Variants in PSMA1 observed in about 807,000 individuals in gnomAD.
PSMA1 encodes proteasome subunit alpha type-1.
In PSMA1, 3 loss-of-function variants were observed where a neutral mutation model predicts 38.4. That is an observed-to-expected ratio of 0.08 (90% confidence interval 0.04 to 0.20). The LOEUF (loss-of-function observed/expected upper bound fraction) is 0.20, where lower values mean the gene tolerates loss of function less well. Ranked by LOEUF, PSMA1 falls within the 10% of genes least tolerant of loss-of-function variation. PSMA1 has a pLI of 1.00. For synonymous variants in PSMA1, 101 were observed against 107.1 expected, an observed-to-expected ratio of 0.94 and a Z score of 0.35; for missense variants, 227 against 325.3, an observed-to-expected ratio of 0.70 and a Z score of 2.32.
At chr11:14,517,834 T>C in intron 3 of PSMA1, 46 bp downstream of exon 3, 1 of 1,534,076 alleles carries the variant, frequency 6.5e-7, no homozygotes, top group Non-Finnish European at 8.8e-7. Flanking sequence ...ATGGTGAAAT[T>C]TACATTGTTT....
chr11:14,634,714 G>A (rs897215447), intron 1 of PSMA1, among the ~76,000 whole-genome samples: 1 of 152,166 alleles, frequency 6.6e-6, no homozygotes, highest in Non-Finnish European at 1.5e-5. Context: ...TAGTATACAA[G>A]AAAATTTGAA....
chr11:14,578,359 T>C (rs1852244788), intron 2 of PSMA1, among the ~76,000 whole-genome samples: 1 of 152,150 alleles, frequency 6.6e-6, no homozygotes, highest in Admixed American at 6.6e-5. Flanking sequence ...TTATGACTTG[T>C]CCAGTTAAAT....
At chr11:14,511,239 T>C (rs1019548720) in intron 7 of PSMA1, among the ~76,000 whole-genome samples, 1 of 152,222 alleles carries the variant, frequency 6.6e-6, no homozygotes, top group Admixed American at 6.5e-5. Flanking sequence ...ACTCCAAGTT[T>C]TGTAGAATGT....
chr11:14,512,289 G>A (rs971056391), intron 7 of PSMA1, among the ~76,000 whole-genome samples: 7 of 151,976 alleles, frequency 4.6e-5, no homozygotes, highest in African/African-American at 1.7e-4. Context: ...CAGGAGAATT[G>A]CTTGAACCTG....
intron 2 of PSMA1, among the ~76,000 whole-genome samples, chr11:14,548,578 C>A (rs779104812): frequency 5.3e-5 from 8 of 152,126 alleles, no homozygotes; most frequent in Non-Finnish European, 1.2e-4. Flanking sequence ...ATATTGGCAG[C>A]TTGAAACTGG....
intron 2 of PSMA1, among the ~76,000 whole-genome samples, chr11:14,536,858 G>A (rs969555058): frequency 1.3e-5 from 2 of 152,020 alleles, no homozygotes; most frequent in African/African-American, 4.8e-5. Context: ...CTCGTGATCC[G>A]CCCGCCTCGG....
chr11:14,583,866 C>T (rs1852309586), intron 2 of PSMA1, among the ~76,000 whole-genome samples: 2 of 152,206 alleles, frequency 1.3e-5, no homozygotes, highest in African/African-American at 4.8e-5. Flanking sequence ...TCCCACACCC[C>T]TGCTTCTGAA....
chr11:14,598,557 T>C (rs992313259), intron 2 of PSMA1, among the ~76,000 whole-genome samples: 13 of 148,664 alleles, frequency 8.7e-5, no homozygotes, highest in Non-Finnish European at 1.6e-4. Context: ...TATCAGAGAC[T>C]AGGATTGCAA....
At chr11:14,595,400 C>G (rs909732576) in intron 2 of PSMA1, among the ~76,000 whole-genome samples, 1 of 152,344 alleles carries the variant, frequency 6.6e-6, no homozygotes, top group East Asian at 1.9e-4. Context: ...TTCTCCACAT[C>G]CTCTCCAGCA....
chr11:14,510,434 T>C (rs1314763738), intron 8 of PSMA1, among the ~76,000 whole-genome samples: 1 of 152,204 alleles, frequency 6.6e-6, no homozygotes, highest in Non-Finnish European at 1.5e-5. Flanking sequence ...ATTTTTTACA[T>C]AGCATTTATC....
intron 1 of PSMA1, among the ~76,000 whole-genome samples, chr11:14,612,111 G>T (rs1852717197): frequency 6.6e-6 from 1 of 152,142 alleles, no homozygotes. Flanking sequence ...AGGGAGTCTT[G>T]GTTGAGCTAG....
At chr11:14,590,804 G>C (rs1163647486) in intron 2 of PSMA1, among the ~76,000 whole-genome samples, 1 of 152,188 alleles carries the variant, frequency 6.6e-6, no homozygotes, top group African/African-American at 2.4e-5. Flanking sequence ...TGACCGGGAC[G>C]AGGCCATACT....
intron 2 of PSMA1, among the ~76,000 whole-genome samples, chr11:14,586,717 A>C (rs1264957389): frequency 6.6e-6 from 1 of 151,818 alleles, no homozygotes; most frequent in Non-Finnish European, 1.5e-5. Flanking sequence ...CCCACCGAAG[A>C]ATCTCTCCCT....
chr11:14,507,772 GGGTAAAATAT>G lies in PSMA1; in HGVS notation c.625-16_625-7del, dbSNP rs778428520. ...ACAATTCCAATGGAAACATTCTGAA[GGGTAAAATAT>G]GGTAAAAGTAAAATAAGAGAATTTG... On this transcript the variant is annotated splice_polypyrimidine_tract_variant and splice_region_variant and intron_variant, in intron 8 of 9. Coordinates refer to ENST00000396394, the MANE Select transcript of PSMA1 (RefSeq NM_002786.4). 16 of 1,542,592 alleles carry G rather than the reference GGGTAAAATAT, an allele frequency of 1.0e-5. No homozygotes were observed. The South Asian group carries it at 1.7e-4, about 16-fold the overall frequency.
exon 2 of PSMA1, chr11:14,611,030 T>C (rs777154932): frequency 2.5e-5 from 39 of 1,589,478 alleles, no homozygotes; most frequent in African/African-American, 6.7e-5. Context: ...ACATACAACA[T>C]AGGTCTGGAT....
At chr11:14,589,332 T>C (rs1026987523) in intron 2 of PSMA1, among the ~76,000 whole-genome samples, 8 of 149,888 alleles carry the variant, frequency 5.3e-5, no homozygotes, top group Non-Finnish European at 1.2e-4. Context: ...AGGGAAGATA[T>C]ATATATATAT....
chr11:14,524,193 G>GT (rs1851562511), upstream of PSMA1, among the ~76,000 whole-genome samples: 1 of 151,348 alleles, frequency 6.6e-6, no homozygotes, highest in Non-Finnish European at 1.5e-5. Context: ...AATTAGCCAG[G>GT]TGTAGTTGTA....
chr11:14,616,949 A>G (rs960928879), intron 1 of PSMA1, among the ~76,000 whole-genome samples: 1 of 152,228 alleles, frequency 6.6e-6, no homozygotes, highest in Non-Finnish European at 1.5e-5. Context: ...GTTTGTATCT[A>G]TGAACAAAAG....
At chr11:14,643,648 G>T (rs1446603587), upstream of PSMA1, 1 of 150,594 alleles carries the variant, frequency 6.6e-6, no homozygotes, top group African/African-American at 2.4e-5. Context: ...CGCGGGTGGC[G>T]GCGGGACAAG....
Sources: gnomAD v4.1 joint callset for allele counts (sites outside exome capture counted in the v4.1 genomes callset) on GRCh38, gnomAD v4.1.1 for gene constraint, MANE v1.5 for transcripts, NCBI Gene and HGNC (gene_info 2026-07-23, HGNC 2026-07-21) for gene names.